Variants in HSPA12A observed in about 807,000 individuals in gnomAD.
HSPA12A encodes the protein heat shock 70 kDa protein 12A.
A neutral mutation model predicts 69.2 loss-of-function variants in HSPA12A; 28 were observed. That is an observed-to-expected ratio of 0.40 (90% CI 0.30 to 0.55). The LOEUF (loss-of-function observed/expected upper bound fraction) is 0.55, where lower values mean the gene tolerates loss of function less well. HSPA12A is among the 20% of genes least tolerant of loss of function. The pLI is 0.38. For missense variants in HSPA12A, 686 were observed against 900.7 expected, an observed-to-expected ratio of 0.76 and a Z score of 3.05; for synonymous variants, 345 against 370.5, an observed-to-expected ratio of 0.93 and a Z score of 0.79.
At chr10:116,836,768 A>AACATACACAC (rs778091882) in intron 1 of HSPA12A, among the ~76,000 whole-genome samples, 2,816 of 146,588 alleles carry the variant, frequency 0.019, 84 homozygotes, top group African/African-American at 0.066. Context: ...AAACGAACCG[A>AACATACACAC]ACACACACAC....
intron 3 of HSPA12A, among the ~76,000 whole-genome samples, chr10:116,702,742 CA>C (rs1226516449): frequency 3.3e-5 from 5 of 151,682 alleles, no homozygotes; most frequent in Non-Finnish European, 5.9e-5. Flanking sequence ...CCACTTAGTA[CA>C]AAAAAAAGTT....
chr10:116,784,913 G>C (rs781802031), intron 2 of HSPA12A, among the ~76,000 whole-genome samples: 2 of 152,212 alleles, frequency 1.3e-5, no homozygotes, highest in Non-Finnish European at 2.9e-5. Context: ...TACAACAGCA[G>C]ACAGGGAGGC....
chr10:116,727,754 T>TTTC (rs1851018200), intron 1 of HSPA12A, among the ~76,000 whole-genome samples: 1 of 149,162 alleles, frequency 6.7e-6, no homozygotes, highest in Non-Finnish European at 1.5e-5. Flanking sequence ...GTAAGTGGGT[T>TTTC]TTTTTTTTTT....
At chr10:116,765,493 T>G (rs1554889656) in intron 2 of HSPA12A, among the ~76,000 whole-genome samples, 1 of 152,092 alleles carries the variant, frequency 6.6e-6, no homozygotes, top group Non-Finnish European at 1.5e-5. Flanking sequence ...TGGTAGTAAT[T>G]TATTACAATA....
At chr10:116,746,391 G>T (rs1297055742), upstream of HSPA12A, among the ~76,000 whole-genome samples, 3 of 152,238 alleles carry the variant, frequency 2.0e-5, no homozygotes, top group Non-Finnish European at 4.4e-5. Flanking sequence ...AGAAGAAACT[G>T]AGGATAATTG....
intron 11 of HSPA12A, among the ~76,000 whole-genome samples, 180 bp downstream of exon 11, chr10:116,676,219 C>A (rs1554877679): frequency 6.6e-6 from 1 of 152,224 alleles, no homozygotes; most frequent in East Asian, 1.9e-4. Context: ...GGATCCAGAG[C>A]CTATGCCCAG....
chr10:116,689,793 G>T (rs1202101004), intron 6 of HSPA12A, among the ~76,000 whole-genome samples: 2 of 42,730 alleles, frequency 4.7e-5, no homozygotes, highest in African/African-American at 2.0e-4. Context: ...GAGTCCAAAG[G>T]CAGGGGAAAA....
intron 1 of HSPA12A, among the ~76,000 whole-genome samples, chr10:116,718,702 G>C (rs148995764): frequency 2.0e-5 from 3 of 152,216 alleles, no homozygotes; most frequent in Non-Finnish European, 4.4e-5. Flanking sequence ...GCACTGCCTA[G>C]AGTGGGCCCC....
chr10:116,826,199 T>C (rs1195636156), intron 2 of HSPA12A, among the ~76,000 whole-genome samples: 6 of 152,160 alleles, frequency 3.9e-5, no homozygotes, highest in African/African-American at 7.2e-5. Flanking sequence ...CCTTCATCTC[T>C]GCTGTCCACC....
At chr10:116,724,777 C>T (rs1554884790) in intron 1 of HSPA12A, among the ~76,000 whole-genome samples, 1 of 152,180 alleles carries the variant, frequency 6.6e-6, no homozygotes, top group Non-Finnish European at 1.5e-5. Context: ...CACTGGGTGC[C>T]CTGCGGCCCA....
At chr10:116,813,755 G>A (rs1845244332) in intron 2 of HSPA12A, among the ~76,000 whole-genome samples, 1 of 152,046 alleles carries the variant, frequency 6.6e-6, no homozygotes, top group Non-Finnish European at 1.5e-5. Context: ...ATGGTGATGA[G>A]CACCTGTAGT....
intron 2 of HSPA12A, among the ~76,000 whole-genome samples, chr10:116,758,525 T>G (rs1225166215): frequency 2.6e-5 from 4 of 152,120 alleles, no homozygotes; most frequent in African/African-American, 9.7e-5. Flanking sequence ...ACTGGACAGC[T>G]CCATGATACA....
At chr10:116,782,831 G>A (rs1488609862) in intron 2 of HSPA12A, among the ~76,000 whole-genome samples, 1 of 152,124 alleles carries the variant, frequency 6.6e-6, no homozygotes, top group Non-Finnish European at 1.5e-5. Flanking sequence ...GCTGGGTGGT[G>A]GACTCTCAGT....
chr10:116,821,489 T>C (rs1310616429), intron 2 of HSPA12A, among the ~76,000 whole-genome samples: 1 of 152,216 alleles, frequency 6.6e-6, no homozygotes, highest in African/African-American at 2.4e-5. Flanking sequence ...AGCCCATCAT[T>C]CTTTATTCCC....
intron 2 of HSPA12A, among the ~76,000 whole-genome samples, chr10:116,763,093 G>T (rs1297294447): frequency 2.0e-5 from 3 of 152,182 alleles, no homozygotes; most frequent in African/African-American, 7.2e-5. Context: ...CTCTAGCACA[G>T]CTCCAGACAC....
At chr10:116,845,212 A>G (rs2133227064) in intron 1 of HSPA12A, among the ~76,000 whole-genome samples, 1 of 152,314 alleles carries the variant, frequency 6.6e-6, no homozygotes. Context: ...GAATAAAAAT[A>G]TAAATGCCTC....
At chr10:116,849,740 C>G (rs1846003273) in exon 1 of HSPA12A, 1 of 1,503,862 alleles carries the variant, frequency 6.6e-7, no homozygotes, top group Non-Finnish European at 8.9e-7. Context: ...TGGTAGGGAC[C>G]TGGGACAAGC....
chr10:116,734,750 T>C (rs541984148), intron 1 of HSPA12A, among the ~76,000 whole-genome samples: 6 of 151,464 alleles, frequency 4.0e-5, no homozygotes, highest in African/African-American at 1.5e-4. Flanking sequence ...TCCCAGCACT[T>C]TGGGAGGCCG....
intron 1 of HSPA12A, among the ~76,000 whole-genome samples, chr10:116,736,704 C>T (rs543986782): frequency 2.4e-4 from 37 of 152,170 alleles, no homozygotes; most frequent in Admixed American, 1.6e-3. Context: ...CAGGTCACCT[C>T]GAGAAGTTTG....
Sources: gnomAD v4.1 joint callset for allele counts (sites outside exome capture counted in the v4.1 genomes callset) on GRCh38, gnomAD v4.1.1 for gene constraint, MANE v1.5 for transcripts, NCBI Gene and HGNC (gene_info 2026-07-23, HGNC 2026-07-21) for gene names.